Variants in NKAIN3 observed in about 807,000 individuals in gnomAD.
NKAIN3 encodes sodium/potassium transporting ATPase interacting 3.
A neutral mutation model predicts 30.2 loss-of-function variants in NKAIN3; 25 were observed. The ratio of observed to expected loss-of-function variants is 0.83; its 90% CI spans 0.60 to 1.16. The LOEUF is 1.16. Among genes scored for constraint, NKAIN3 ranks in the 50% most tolerant of loss-of-function variants. The pLI, the probability that NKAIN3 is intolerant of heterozygous loss-of-function variation, is 0.00. For missense variants in NKAIN3, 225 were observed against 254.1 expected (o/e 0.89, Z 0.78); for synonymous variants, 91 against 89.6 (o/e 1.02, Z -0.09).
At chr8:62,738,858 G>GATAAATT (rs1815765469) in intron 3 of NKAIN3, among the ~76,000 whole-genome samples, 1 of 151,988 alleles carries the variant, frequency 6.6e-6, no homozygotes, top group Non-Finnish European at 1.5e-5. Context: ...TGTCAATTTT[G>GATAAATT]GCTTTTGAAA....
At chr8:62,485,105 G>A (rs1438311772) in intron 1 of NKAIN3, among the ~76,000 whole-genome samples, 1 of 152,184 alleles carries the variant, frequency 6.6e-6, no homozygotes, top group Non-Finnish European at 1.5e-5. Flanking sequence ...AGAGAGGCAT[G>A]GTCATAACTG....
chr8:62,765,718 A>G (rs1816815846), intron 4 of NKAIN3, among the ~76,000 whole-genome samples: 1 of 152,206 alleles, frequency 6.6e-6, no homozygotes, highest in South Asian at 2.1e-4. Context: ...GCTTTAAATC[A>G]TATTCGAGTA....
At chr8:62,288,887 A>G (rs931785482) in intron 1 of NKAIN3, among the ~76,000 whole-genome samples, 1 of 152,136 alleles carries the variant, frequency 6.6e-6, no homozygotes, top group Non-Finnish European at 1.5e-5. Context: ...ATTTCTCCAC[A>G]TCCTCCCCAG....
At chr8:62,438,361 C>T (rs1805229978) in intron 1 of NKAIN3, among the ~76,000 whole-genome samples, 1 of 152,136 alleles carries the variant, frequency 6.6e-6, no homozygotes, top group Admixed American at 6.6e-5. Context: ...AAATCAAATG[C>T]CACCGGTATT....
intron 4 of NKAIN3, among the ~76,000 whole-genome samples, chr8:62,790,581 CTGTGTG>C (rs35454019): frequency 1.4e-5 from 2 of 147,398 alleles, no homozygotes; most frequent in Non-Finnish European, 3.0e-5. Context: ...GTCTGTCTGT[CTGTGTG>C]TGTGTGTGTG....
At chr8:62,384,002 T>G (rs966757749) in intron 1 of NKAIN3, among the ~76,000 whole-genome samples, 9 of 152,128 alleles carry the variant, frequency 5.9e-5, no homozygotes, top group African/African-American at 2.2e-4. Flanking sequence ...TTCTTGTAAT[T>G]TTGTAACTTT....
intron 3 of NKAIN3, among the ~76,000 whole-genome samples, chr8:62,690,742 T>A (rs1004846604): frequency 1.1e-4 from 16 of 152,134 alleles, no homozygotes; most frequent in African/African-American, 3.6e-4. Context: ...AGCAAAACGG[T>A]CCACTGATGA....
chr8:62,577,477 G>GT (rs1810149206), intron 1 of NKAIN3, among the ~76,000 whole-genome samples: 1 of 108,628 alleles, frequency 9.2e-6, no homozygotes, highest in Admixed American at 9.3e-5. Flanking sequence ...TTTTTTTTTT[G>GT]GTTTTTTTTT....
intron 1 of NKAIN3, among the ~76,000 whole-genome samples, chr8:62,417,821 T>G (rs949846016): frequency 2.0e-5 from 3 of 152,182 alleles, no homozygotes; most frequent in African/African-American, 7.2e-5. Flanking sequence ...ATCAGATTAT[T>G]AGATTTTTCC....
intron 1 of NKAIN3, among the ~76,000 whole-genome samples, chr8:62,402,034 C>T (rs1357654876): frequency 6.6e-6 from 1 of 152,282 alleles, no homozygotes; most frequent in South Asian, 2.1e-4. Context: ...ACAGTTAGGT[C>T]CAGAGATGCT....
chr8:62,431,864 GA>G (rs5891856), intron 1 of NKAIN3, among the ~76,000 whole-genome samples: 70,134 of 131,818 alleles, frequency 0.53, 18,417 homozygotes, highest in Non-Finnish European at 0.57. Flanking sequence ...TTATAAAAAG[GA>G]AAAAAAAAAA....
chr8:62,839,052 A>G (rs559562552), intron 4 of NKAIN3, among the ~76,000 whole-genome samples: 3 of 152,152 alleles, frequency 2.0e-5, no homozygotes, highest in African/African-American at 7.2e-5. Context: ...CTTCGTACAC[A>G]CACCCAATCC....
At chr8:62,690,921 C>T (rs1813946766) in intron 3 of NKAIN3, among the ~76,000 whole-genome samples, 2 of 152,146 alleles carry the variant, frequency 1.3e-5, no homozygotes, top group South Asian at 4.1e-4. Context: ...TACCAATTTC[C>T]ATTATGTGCC....
chr8:62,590,614 T>A (rs1309309139), intron 3 of NKAIN3, among the ~76,000 whole-genome samples: 1 of 151,970 alleles, frequency 6.6e-6, no homozygotes, highest in Non-Finnish European at 1.5e-5. Context: ...CTTATTCTAC[T>A]GCTTTATAAC....
intron 1 of NKAIN3, among the ~76,000 whole-genome samples, chr8:62,379,167 C>T (rs1411086404): frequency 6.6e-6 from 1 of 152,108 alleles, no homozygotes; most frequent in African/African-American, 2.4e-5. Context: ...GGCCTGTAGC[C>T]CCTTTGTTTT....
chr8:62,283,357 G>C (rs1407776075), intron 1 of NKAIN3, among the ~76,000 whole-genome samples: 1 of 151,886 alleles, frequency 6.6e-6, no homozygotes, highest in Non-Finnish European at 1.5e-5. Context: ...TGAAGTGGTT[G>C]TGGAGACAGG....
At chr8:62,671,480 G>A (rs1813301473) in intron 3 of NKAIN3, among the ~76,000 whole-genome samples, 1 of 152,014 alleles carries the variant, frequency 6.6e-6, no homozygotes, top group African/African-American at 2.4e-5. Flanking sequence ...ATGAAAATAT[G>A]ATATTTTTCT....
intron 6 of NKAIN3, among the ~76,000 whole-genome samples, chr8:62,957,039 T>G (rs760460698): frequency 3.9e-5 from 6 of 152,214 alleles, no homozygotes; most frequent in Non-Finnish European, 7.4e-5. Context: ...CTAAGCATAC[T>G]TTTACCATGA....
intron 5 of NKAIN3, among the ~76,000 whole-genome samples, chr8:62,920,005 A>G (rs1031425708): frequency 6.6e-6 from 1 of 152,068 alleles, no homozygotes; most frequent in Non-Finnish European, 1.5e-5. Flanking sequence ...TTAACTTCAA[A>G]TCTCTATTTT....
Sources: gnomAD v4.1 joint callset for allele counts (sites outside exome capture counted in the v4.1 genomes callset) on GRCh38, gnomAD v4.1.1 for gene constraint, MANE v1.5 for transcripts, NCBI Gene and HGNC (gene_info 2026-07-23, HGNC 2026-07-21) for gene names.